U2AF2: variants seen among roughly 807,000 people sequenced by gnomAD.
U2AF2 encodes the protein splicing factor U2AF 65 kDa subunit.
Under a neutral mutation model 52.6 loss-of-function variants are expected in U2AF2, and 6 were observed. The ratio of observed to expected loss-of-function variants is 0.11; its 90% confidence interval spans 0.06 to 0.23. The LOEUF is 0.23. Ranked by LOEUF, U2AF2 falls within the 10% of genes least tolerant of loss-of-function variation. The probability of loss-of-function intolerance (pLI) is 1.00; values close to 1 mark genes in which losing one functional copy is unlikely to be tolerated. For missense variants in U2AF2, 222 were observed against 677.1 expected (o/e 0.33, Z 7.46); for synonymous variants, 284 against 258.2 (o/e 1.10, Z -0.96).
chr19:55,659,415 G>T, intron 2 of U2AF2, 70 bp downstream of exon 2: 1 of 1,402,808 alleles, frequency 7.1e-7, no homozygotes. Context: ...GCCTGTGGGT[G>T]GCCTGTGTGT....
chr19:55,668,942 G>A lies in U2AF2; in HGVS notation c.946-141G>A. The A allele has an allele frequency of 6.7e-7, 1 of 1,484,956 alleles. No homozygotes were observed. The highest frequency in any genetic ancestry group is 9.1e-7 in the Non-Finnish European group (1 of 1,104,844). 92.0% of individuals were successfully genotyped at this position (1,484,956 alleles called of 1,614,324 possible). A position where few individuals can be genotyped will look rare whatever the true frequency, so the allele number is the denominator to read the frequency against. The stretch of plus-strand genomic sequence containing the variant: ...TGTGGGCTCGTCCCTGTCCCATGGC[G>A]TTGGCTTTTTCCAGGCTCTTAATCC... On this transcript the variant is annotated intron_variant, in intron 9 of 11. Transcript: ENST00000308924. This position sits in a 1 kb window ranked among gnomAD's most constrained non-coding sequence, Gnocchi z 5.5.
At chr19:55,669,240 G>A in intron 10 of U2AF2, 59 bp downstream of exon 10, 2 of 1,592,180 alleles carry the variant, frequency 1.3e-6, no homozygotes, top group Non-Finnish European at 8.6e-7. Context: ...GGCTAGTAGG[G>A]GACAAGTGTT....
intron 7 of U2AF2, 132 bp downstream of exon 7, chr19:55,663,876 C>T (rs1984375677): frequency 7.2e-7 from 1 of 1,387,562 alleles, no homozygotes; most frequent in Non-Finnish European, 9.8e-7. Flanking sequence ...CTTTTCCCTG[C>T]TTCCCCTAAG....
In U2AF2 at chr19:55,668,744, C is replaced by G; in HGVS notation, c.897C>G (p.Ser299=). 1 of 1,613,878 alleles carries G rather than the reference C, an allele frequency of 6.2e-7. No homozygotes were observed. Residue 299 remains serine (S), a synonymous_variant, in exon 9 of 12, where the codon TCC becomes TCG. Transcript: ENST00000308924. The surrounding 1 kb of genome is among the most constrained non-coding windows in gnomAD (Gnocchi z 5.5). ...NLVKDSATGL[S]KGYAFCEYVD... is the part of the protein sequence containing the mutation. Reference sequence around the variant, plus strand: ...TCAAGGACAGTGCCACGGGGCTCTCCAAGGGCTACGCCTTCTGTGAGTACG... The same window carrying G: ...TCAAGGACAGTGCCACGGGGCTCTCGAAGGGCTACGCCTTCTGTGAGTACG...
chr19:55,670,464 G>A, intron 11 of U2AF2, among the ~76,000 whole-genome samples: 1 of 148,100 alleles, frequency 6.8e-6, no homozygotes, highest in African/African-American at 2.6e-5. Flanking sequence ...GCACCCTGCT[G>A]TCCCGTGCAC....
rs115504762 is a variant in U2AF2 at position 55,659,457 on chromosome 19, C to G, written c.185+112C>G. 5 of 1,285,962 alleles carry G rather than the reference C, an allele frequency of 3.9e-6. No homozygotes were observed. The East Asian group carries it at 1.6e-4, about 40-fold the overall frequency. The allele number at this position is 1,285,962 out of a possible 1,614,324, so 79.7% of individuals were successfully genotyped here. A position where few individuals can be genotyped will look rare whatever the true frequency, so the allele number is the denominator to read the frequency against. ...GTCTGGGTCCGGGCCCTGTGTGGCT[C>G]GTTCGTTCTTTGTGTGGATCTGGGG... On this transcript the variant is annotated intron_variant, in intron 2 of 11. Coordinates refer to ENST00000308924, the MANE Select transcript of U2AF2 (RefSeq NM_007279.3).
chr19:55,658,051 T>A (rs1983907096), intron 1 of U2AF2, among the ~76,000 whole-genome samples: 1 of 152,228 alleles, frequency 6.6e-6, no homozygotes, highest in Admixed American at 6.5e-5. Flanking sequence ...GTGATGCTTT[T>A]CCAGACATTC....
At chr19:55,669,791 T>C in intron 11 of U2AF2, 99 bp downstream of exon 11, 1 of 1,445,804 alleles carries the variant, frequency 6.9e-7, no homozygotes, top group Non-Finnish European at 9.1e-7. Flanking sequence ...CTCCCCCTCC[T>C]CTTCTCCGCG....
At chr19:55,665,769 C>T (rs532378790) in intron 7 of U2AF2, among the ~76,000 whole-genome samples, 2 of 152,222 alleles carry the variant, frequency 1.3e-5, no homozygotes, top group Non-Finnish European at 2.9e-5. Flanking sequence ...CTGCCTCAGC[C>T]TCCCGAGTAG....
chr19:55,667,269 TC>T (rs1179700999), intron 7 of U2AF2, among the ~76,000 whole-genome samples: 1 of 152,162 alleles, frequency 6.6e-6, no homozygotes, highest in African/African-American at 2.4e-5. Context: ...CTTTCCCATT[TC>T]CTGTCTTACC....
chr19:55,668,667 C>T lies in U2AF2; in HGVS notation c.823-3C>T, dbSNP rs760568055. On this transcript the variant is annotated splice_region_variant and splice_polypyrimidine_tract_variant and intron_variant, in intron 8 of 11. Coordinates refer to ENST00000308924, the MANE Select transcript of U2AF2 (RefSeq NM_007279.3). This position sits in a 1 kb window ranked among gnomAD's most constrained non-coding sequence, Gnocchi z 5.5. ...AGCCCTGATGGACTCTCGGCTACTG[C>T]AGGTCAAAGAGCTGCTGACATCCTT... 51 of 1,609,306 alleles carry T rather than the reference C, an allele frequency of 3.2e-5. No individual in the cohort carries two copies. Among genetic ancestry groups the T allele is most frequent in the Non-Finnish European group, 4.1e-5 (48 of 1,176,678 alleles).
Position 55,669,795 on chromosome 19 carries a change from C to A in U2AF2, c.1293+103C>A. On this transcript the variant is annotated intron_variant, in intron 11 of 11. Transcript: ENST00000308924. ...TCCCTCACCCTCTCCCCCTCCTCTT[C>A]TCCGCGCGCTCTTTCTTCCTCTCTC... The A allele has an allele frequency of 4.2e-6, 6 of 1,434,506 alleles. No homozygotes were observed. The South Asian group carries it at 8.7e-5, about 21-fold the overall frequency. The allele number at this position is 1,434,506 out of a possible 1,614,324, so 88.9% of individuals were successfully genotyped here. A position where few individuals can be genotyped will look rare whatever the true frequency, so the allele number is the denominator to read the frequency against.
rs755829299 is a variant in U2AF2 at position 55,668,842 on chromosome 19, C to A, written c.945+50C>A. The A allele has an allele frequency of 2.5e-6, 4 of 1,579,084 alleles. No homozygotes were observed. In the African/African-American group the frequency reaches 4.0e-5, roughly 16 times the overall value. On this transcript the variant is annotated intron_variant, in intron 9 of 11. Coordinates refer to ENST00000308924, the MANE Select transcript of U2AF2 (RefSeq NM_007279.3). The surrounding 1 kb of genome is among the most constrained non-coding windows in gnomAD (Gnocchi z 5.5). ...GCCGCGTCTGTCCTTCCCTGCCCTGCGCTGTTGCCAAGCCATGGTCTCCCC... is the reference window on the plus strand; with the variant it reads ...GCCGCGTCTGTCCTTCCCTGCCCTGAGCTGTTGCCAAGCCATGGTCTCCCC...
chr19:55,670,768 A>G, intron 11 of U2AF2: 1 of 185,052 alleles, frequency 5.4e-6, no homozygotes, highest in Non-Finnish European at 1.1e-5. Flanking sequence ...CAATACTGAG[A>G]GGCCTCCAGG....
intron 5 of U2AF2, 62 bp downstream of exon 5, chr19:55,661,251 C>T: frequency 1.4e-6 from 2 of 1,425,870 alleles, no homozygotes; most frequent in Non-Finnish European, 1.9e-6. Flanking sequence ...CTCCCCTTCC[C>T]TCCATTCCCT....
chr19:55,662,469 CG>C (rs1555785021), intron 5 of U2AF2, 32 bp from the exon 6 acceptor site: 71 of 1,172,302 alleles, frequency 6.1e-5, no homozygotes, highest in Non-Finnish European at 7.5e-5. Flanking sequence ...TCCCTTCCCC[CG>C]CCCCCCCCCT....
intron 6 of U2AF2, among the ~76,000 whole-genome samples, chr19:55,663,155 C>T (rs959235126): frequency 6.8e-6 from 1 of 147,798 alleles, no homozygotes; most frequent in African/African-American, 2.4e-5. Flanking sequence ...TTTCTGAGCA[C>T]TCCCTCTCAC....
At chr19:55,658,965 CT>C (rs1435431684) in intron 1 of U2AF2, 1 of 466,000 alleles carries the variant, frequency 2.1e-6, no homozygotes, top group Non-Finnish European at 3.4e-6. Context: ...TCCCCAGCTC[CT>C]CCTGAGCATC....
At chr19:55,660,283 G>A (rs985188969) in intron 3 of U2AF2, 62 bp downstream of exon 3, 52 of 1,565,486 alleles carry the variant, frequency 3.3e-5, no homozygotes, top group East Asian at 4.5e-5. Flanking sequence ...CCTCACGCCC[G>A]TGCACCCTGT....
Sources: allele counts gnomAD v4.1 joint callset (sites outside exome capture counted in the v4.1 genomes callset), GRCh38; gene constraint gnomAD v4.1.1; non-coding constraint Gnocchi (gnomAD v3.1); transcripts MANE v1.5; gene names NCBI Gene and HGNC (gene_info 2026-07-23, HGNC 2026-07-21).